The following BPNT1 variants were observed in gnomAD, a reference collection of about 807,000 sequenced individuals.
BPNT1 encodes 3'(2'),5'-bisphosphate nucleotidase 1.
BPNT1 carries 28 observed loss-of-function variants against 36.9 expected under a neutral mutation model. The ratio of observed to expected loss-of-function variants is 0.76; its 90% confidence interval spans 0.56 to 1.04. The LOEUF is 1.04. Among genes scored for constraint, BPNT1 ranks in the 50% least tolerant of loss-of-function variants. The probability of loss-of-function intolerance (pLI) is 0.00; values close to 1 mark genes in which losing one functional copy is unlikely to be tolerated. For missense variants in BPNT1, 313 were observed against 372.9 expected (o/e 0.84, Z 1.32); for synonymous variants, 119 against 130.9 (o/e 0.91, Z 0.62).
intron 6 of BPNT1, 72 bp from the exon 7 acceptor site, chr1:220,063,026 C>T: frequency 1.4e-6 from 2 of 1,472,440 alleles, no homozygotes; most frequent in Non-Finnish European, 1.9e-6. Flanking sequence ...ATGGAATATT[C>T]AGTTATATTA....
Position 220,070,704 on chromosome 1 carries a change from C to T in BPNT1, c.334-1272G>A, listed in dbSNP as rs565030607. ...GTCTTGATCTCTTGACCTCGTGATCCGCCTACCTCAGCCTCCCAAAGTGCT... is the reference window on the plus strand; with the variant it reads ...GTCTTGATCTCTTGACCTCGTGATCTGCCTACCTCAGCCTCCCAAAGTGCT... On this transcript the variant is annotated intron_variant, in intron 4 of 8. Coordinates refer to ENST00000322067, the MANE Select transcript of BPNT1 (RefSeq NM_006085.6). Among the ~76,000 whole-genome samples the T allele has an allele frequency of 1.3e-4, 20 of 150,856 alleles. No homozygotes were observed. In the South Asian group the frequency reaches 2.3e-3, roughly 18 times the overall value.
intron 1 of BPNT1, among the ~76,000 whole-genome samples, chr1:220,086,428 C>T (rs1016359405): frequency 2.0e-5 from 3 of 151,872 alleles, no homozygotes; most frequent in East Asian, 1.9e-4. Flanking sequence ...CGCATCACCA[C>T]GCCTGGCTAA....
intron 2 of BPNT1, among the ~76,000 whole-genome samples, chr1:220,077,660 AGTG>A (rs1664674565): frequency 6.6e-6 from 1 of 152,202 alleles, no homozygotes; most frequent in Non-Finnish European, 1.5e-5. Flanking sequence ...GAGTTCAAAA[AGTG>A]AACTCACGTC....
chr1:220,079,574 G>C (rs993830693), intron 2 of BPNT1, among the ~76,000 whole-genome samples, 153 bp downstream of exon 2: 1 of 152,182 alleles, frequency 6.6e-6, no homozygotes, highest in African/African-American at 2.4e-5. Flanking sequence ...TCAAAGCAGA[G>C]ATGGAACCCT....
chr1:220,083,496 A>G (rs562238752), intron 1 of BPNT1, among the ~76,000 whole-genome samples: 2 of 151,800 alleles, frequency 1.3e-5, no homozygotes, highest in Non-Finnish European at 2.9e-5. Context: ...TTGTAGTTTT[A>G]GTACAGATGG....
intron 2 of BPNT1, among the ~76,000 whole-genome samples, chr1:220,077,868 A>G (rs770105221): frequency 1.2e-4 from 18 of 152,140 alleles, no homozygotes; most frequent in Admixed American, 7.9e-4. Flanking sequence ...AAAGGCTATA[A>G]TAAAGAAAGA....
intron 4 of BPNT1, among the ~76,000 whole-genome samples, chr1:220,072,062 C>T (rs1664110900): frequency 6.6e-6 from 1 of 151,440 alleles, no homozygotes; most frequent in Non-Finnish European, 1.5e-5. Context: ...AAAATAATCT[C>T]TTTAAGAGAT....
chr1:220,079,799 A>G lies in BPNT1; in HGVS notation c.48T>C (p.Tyr16=), dbSNP rs377302652. ...TCATTCCTGCCTTTTGAGCAATAGAATATGCGGAGGCTACCAACCGCATCA... is the reference window on the plus strand; with the variant it reads ...TCATTCCTGCCTTTTGAGCAATAGAGTATGCGGAGGCTACCAACCGCATCA... ...TVLMRLVASA[Y]SIAQKAGMIV... is the part of the protein sequence containing the mutation. Residue 16 remains tyrosine (Y), a synonymous_variant, in exon 2 of 9, where the codon TAT becomes TAC. Coordinates refer to ENST00000322067, the MANE Select transcript of BPNT1 (RefSeq NM_006085.6). 15 of 1,613,710 alleles carry G rather than the reference A, an allele frequency of 9.3e-6. No homozygotes were observed. Among genetic ancestry groups the G allele is most frequent in the East Asian group, 4.5e-5 (2 of 44,852 alleles).
At chr1:220,075,612 G>A (rs1263841198) in intron 2 of BPNT1, among the ~76,000 whole-genome samples, 4 of 151,996 alleles carry the variant, frequency 2.6e-5, no homozygotes, top group Admixed American at 1.3e-4. Context: ...AGACCACTGC[G>A]GTAGAGAAAA....
chr1:220,085,369 TAAG>T (rs1361225773), intron 1 of BPNT1, among the ~76,000 whole-genome samples: 3 of 152,214 alleles, frequency 2.0e-5, no homozygotes, highest in Non-Finnish European at 4.4e-5. Flanking sequence ...GCACAGTGCT[TAAG>T]GGCACAGGCT....
chr1:220,088,724 AG>A (rs1384738798), intron 1 of BPNT1, among the ~76,000 whole-genome samples: 1 of 150,844 alleles, frequency 6.6e-6, no homozygotes, highest in East Asian at 2.0e-4. Flanking sequence ...TGGGAGGTCA[AG>A]GTTGCAGTGA....
chr1:220,059,908 G>T, intron 7 of BPNT1, 117 bp from the exon 8 acceptor site: 1 of 682,234 alleles, frequency 1.5e-6, no homozygotes, highest in Non-Finnish European at 2.4e-6. Flanking sequence ...CATTTAATCA[G>T]TTCCTCTGTT....
rs11292010 is a variant in BPNT1 at position 220,059,243 on chromosome 1, CTTTTTTTT to C, written c.779-259_779-252del. ...TTAATTTTATTTAGCATTTTCTTTTCTTTTTTTTTTTTTTTTTTTTTTTTGAGATGGAG... is the reference window on the plus strand; with the variant it reads ...TTAATTTTATTTAGCATTTTCTTTTCTTTTTTTTTTTTTTTTGAGATGGAG... On this transcript the variant is annotated intron_variant, in intron 8 of 8. Coordinates refer to ENST00000322067, the MANE Select transcript of BPNT1 (RefSeq NM_006085.6). Among the ~76,000 whole-genome samples the C allele has an allele frequency of 3.5e-4, 20 of 57,858 alleles. No individual in the cohort carries two copies. The East Asian group carries it at 4.9e-3, about 14-fold the overall frequency. The allele number at this position is 57,858 out of a possible 152,430, so 38.0% of individuals were successfully genotyped here.
In BPNT1 at chr1:220,079,852, A is replaced by G. The variant is rs766371881; in HGVS notation, c.-6T>C. The G allele has an allele frequency of 1.2e-6, 2 of 1,611,984 alleles. No homozygotes were observed. The highest frequency in any genetic ancestry group is 1.7e-6 in the Non-Finnish European group (2 of 1,179,402). ...ACAGTGTTACTGGAAGCCATGGTACACTCTAAAAAGAGATCAAGAAAAATG... is the reference window on the plus strand; with the variant it reads ...ACAGTGTTACTGGAAGCCATGGTACGCTCTAAAAAGAGATCAAGAAAAATG... On this transcript the variant is annotated splice_region_variant and 5_prime_UTR_variant, in exon 2 of 9. Transcript: ENST00000322067.
chr1:220,078,547 AATTATATATAAATATAATATAT>A (rs1558096665), intron 2 of BPNT1, among the ~76,000 whole-genome samples: 2 of 142,100 alleles, frequency 1.4e-5, no homozygotes, highest in Non-Finnish European at 3.0e-5. Context: ...TATATATTAT[AATTATATATAAATATAATATAT>A]ATTATATATG....
intron 1 of BPNT1, among the ~76,000 whole-genome samples, chr1:220,086,841 T>G (rs1655772761): frequency 6.6e-6 from 1 of 151,706 alleles, no homozygotes; most frequent in East Asian, 1.9e-4. Context: ...GTGCTGAGAT[T>G]ACAGGTGTGA....
Position 220,058,278 on chromosome 1 carries a change from A to G in BPNT1, c.*566T>C. 1.0e-6 allele frequency: 1 copy of G among 989,220 alleles called. No homozygotes were observed. The highest frequency in any genetic ancestry group is 1.1e-4 in the East Asian group (1 of 9,000). 61.3% of individuals were successfully genotyped at this position (989,220 alleles called of 1,614,324 possible). On this transcript the variant is annotated 3_prime_UTR_variant, in exon 9 of 9. Coordinates refer to ENST00000322067, the MANE Select transcript of BPNT1 (RefSeq NM_006085.6). ...AAGCTTTTTCTCATTTCTCCACCTAAATACAGGAAAACAAATATAACATAT... is the reference window on the plus strand; with the variant it reads ...AAGCTTTTTCTCATTTCTCCACCTAGATACAGGAAAACAAATATAACATAT...
Position 220,067,515 on chromosome 1 carries a change from G to C in BPNT1, c.383-122C>G. On this transcript the variant is annotated intron_variant, in intron 5 of 8. Coordinates refer to ENST00000322067, the MANE Select transcript of BPNT1 (RefSeq NM_006085.6). ...ATGGAATTTGCAATGATTCATCCGT[G>C]ATCAATCCTATTTATAGTGAAAGGC... 2 of 570,444 alleles carry C rather than the reference G, an allele frequency of 3.5e-6. 1 individual carries two copies. Among genetic ancestry groups the C allele is most frequent in the South Asian group, 4.6e-5 (2 of 43,802 alleles). The allele number at this position is 570,444 out of a possible 1,614,324, so 35.3% of individuals were successfully genotyped here.
At chr1:220,088,088 G>T (rs1023614595) in intron 1 of BPNT1, among the ~76,000 whole-genome samples, 1 of 151,942 alleles carries the variant, frequency 6.6e-6, no homozygotes, top group Admixed American at 6.6e-5. Context: ...TGTTGGTCAG[G>T]CTGGTCTCGA....
Sources: gnomAD v4.1 joint callset for allele counts (sites outside exome capture counted in the v4.1 genomes callset) on GRCh38, gnomAD v4.1.1 for gene constraint, MANE v1.5 for transcripts, NCBI Gene and HGNC (gene_info 2026-07-23, HGNC 2026-07-21) for gene names.